Variants in SMOC2 observed in about 807,000 individuals in gnomAD.
The protein encoded by SMOC2 is SPARC related modular calcium binding 2.
Under a neutral mutation model 61.4 loss-of-function variants are expected in SMOC2, and 39 were observed. The ratio of observed to expected loss-of-function variants is 0.64; its 90% CI spans 0.49 to 0.83. The LOEUF is 0.83. SMOC2 is among the 40% of genes least tolerant of loss of function. SMOC2 has a pLI of 0.00. For synonymous variants in SMOC2, 247 were observed against 239.9 expected (o/e 1.03, Z -0.27); for missense variants, 556 against 592.9 (o/e 0.94, Z 0.65).
chr6:168,627,276 C>G (rs1786437754), intron 9 of SMOC2, among the ~76,000 whole-genome samples: 1 of 152,080 alleles, frequency 6.6e-6, no homozygotes, highest in Non-Finnish European at 1.5e-5. Flanking sequence ...TAAAAATTGC[C>G]CTTTGGAAAG....
At position 168,616,873 on chromosome 6, in the gene SMOC2, C is replaced by T. The variant is rs190190788; in HGVS notation, c.907+8634C>T. Among the ~76,000 whole-genome samples, 265 of 152,274 alleles carry T rather than the reference C, an allele frequency of 1.7e-3. 1 individual carries two copies. The highest frequency in any genetic ancestry group is 5.9e-3 in the African/African-American group (245 of 41,548). On this transcript the variant is annotated intron_variant, in intron 9 of 12. Coordinates refer to ENST00000356284, the MANE Select transcript of SMOC2 (RefSeq NM_001166412.2). Reference sequence around the variant, plus strand: ...AAGAACCGGTGTCTGTGGAGCATCCCGAGATGCCGCTGCACTGCGGGGGGG... The same window carrying T: ...AAGAACCGGTGTCTGTGGAGCATCCTGAGATGCCGCTGCACTGCGGGGGGG...
chr6:168,550,660 G>A (rs1784110086), intron 7 of SMOC2, among the ~76,000 whole-genome samples: 1 of 152,100 alleles, frequency 6.6e-6, no homozygotes, highest in African/African-American at 2.4e-5. Context: ...TTACCCTTCT[G>A]GGCGGAGATG....
Position 168,450,952 on chromosome 6 carries a change from T to A in SMOC2, c.84+9498T>A, listed in dbSNP as rs541933618. Among the ~76,000 whole-genome samples, 9 of 152,342 alleles carry A rather than the reference T, an allele frequency of 5.9e-5. No individual in the cohort carries two copies. The South Asian group carries it at 1.9e-3, about 32-fold the overall frequency. On this transcript the variant is annotated intron_variant, in intron 1 of 12. Coordinates refer to ENST00000356284, the MANE Select transcript of SMOC2 (RefSeq NM_001166412.2). ...CGTATTATTTTTATTCAAACTAGAT[T>A]TTCATCTTGATTCCATTATCCTAGG...
At chr6:168,441,484 C>T (rs773344089) in intron 1 of SMOC2, 30 bp downstream of exon 1, 18 of 1,477,488 alleles carry the variant, frequency 1.2e-5, no homozygotes, top group Non-Finnish European at 1.4e-5. Context: ...ACCTGGAGCT[C>T]AAGTGGTGCC....
chr6:168,634,011 T>C (rs1316766636), intron 9 of SMOC2, among the ~76,000 whole-genome samples: 2 of 152,358 alleles, frequency 1.3e-5, no homozygotes, highest in Non-Finnish European at 2.9e-5. Context: ...CCTGATGCCA[T>C]GTGAAGAAGG....
chr6:168,577,066 G>A (rs977542464), intron 7 of SMOC2, among the ~76,000 whole-genome samples: 8 of 152,260 alleles, frequency 5.3e-5, no homozygotes, highest in East Asian at 1.9e-4. Flanking sequence ...AACTATGCAC[G>A]TTTCAAAAAC....
intron 9 of SMOC2, among the ~76,000 whole-genome samples, chr6:168,646,188 C>T (rs561007310): frequency 6.6e-6 from 1 of 152,302 alleles, no homozygotes; most frequent in Admixed American, 6.5e-5. Flanking sequence ...ATGTTACTTG[C>T]GTGTGAAATC....
intron 1 of SMOC2, among the ~76,000 whole-genome samples, chr6:168,467,242 C>T (rs918468861): frequency 2.0e-5 from 3 of 151,524 alleles, no homozygotes; most frequent in African/African-American, 4.9e-5. Flanking sequence ...GGCGGCAAAA[C>T]AGCTCACTGT....
intron 5 of SMOC2, 144 bp downstream of exon 5, chr6:168,543,816 A>T (rs944238746): frequency 1.3e-6 from 1 of 760,732 alleles, no homozygotes; most frequent in Non-Finnish European, 2.2e-6. Flanking sequence ...TCATTCAGCA[A>T]TGCCATTCAC....
intron 7 of SMOC2, among the ~76,000 whole-genome samples, chr6:168,566,970 A>G (rs1207659209): frequency 2.0e-5 from 3 of 152,222 alleles, no homozygotes; most frequent in East Asian, 3.8e-4. Context: ...ATCCTTATTT[A>G]TGATTAAATC....
At chr6:168,541,571 A>T (rs1410252007) in intron 4 of SMOC2, among the ~76,000 whole-genome samples, 1 of 152,132 alleles carries the variant, frequency 6.6e-6, no homozygotes, top group Admixed American at 6.5e-5. Context: ...CCCATCCTGG[A>T]GGCCAGGATC....
intron 7 of SMOC2, among the ~76,000 whole-genome samples, chr6:168,563,890 G>A (rs1270032923): frequency 1.3e-5 from 2 of 152,196 alleles, no homozygotes; most frequent in East Asian, 3.9e-4. Flanking sequence ...GCAGAGCTCT[G>A]CGTCTCCGGC....
intron 4 of SMOC2, among the ~76,000 whole-genome samples, chr6:168,537,568 G>C (rs903884031): frequency 6.6e-6 from 1 of 152,234 alleles, no homozygotes; most frequent in Non-Finnish European, 1.5e-5. Flanking sequence ...CTAATACAGT[G>C]CTCTGCAGGA....
At chr6:168,626,934 G>A (rs1454904327) in intron 9 of SMOC2, among the ~76,000 whole-genome samples, 1 of 152,150 alleles carries the variant, frequency 6.6e-6, no homozygotes, top group Non-Finnish European at 1.5e-5. Flanking sequence ...GGACCTGCCG[G>A]GAGAGTCATT....
At chr6:168,489,741 A>G (rs1385739893) in intron 1 of SMOC2, among the ~76,000 whole-genome samples, 3 of 152,088 alleles carry the variant, frequency 2.0e-5, no homozygotes, top group Non-Finnish European at 4.4e-5. Context: ...TTAGAATGAA[A>G]TATATCAAAT....
chr6:168,501,712 G>A (rs1226817760), intron 1 of SMOC2, among the ~76,000 whole-genome samples: 1 of 152,234 alleles, frequency 6.6e-6, no homozygotes, highest in Non-Finnish European at 1.5e-5. Flanking sequence ...CACGGCCTCA[G>A]GGCTCCTGCT....
chr6:168,445,147 A>C (rs1781303793), intron 1 of SMOC2, among the ~76,000 whole-genome samples: 1 of 152,212 alleles, frequency 6.6e-6, no homozygotes, highest in South Asian at 2.1e-4. Flanking sequence ...AGCAGATCCG[A>C]ATATTTCTCA....
intron 12 of SMOC2, among the ~76,000 whole-genome samples, chr6:168,666,130 G>A (rs1054113739): frequency 3.3e-5 from 5 of 152,140 alleles, no homozygotes; most frequent in Admixed American, 6.5e-5. Flanking sequence ...AAGGTGATAA[G>A]ACATTCTGGA....
At chr6:168,588,326 A>G (rs9456222) in intron 7 of SMOC2, among the ~76,000 whole-genome samples, 31,729 of 151,124 alleles carry the variant, frequency 0.21, 3,663 homozygotes, top group South Asian at 0.28. Context: ...GTTTCACCAT[A>G]TTTGTCAGGC....
Sources: allele counts gnomAD v4.1 joint callset (sites outside exome capture counted in the v4.1 genomes callset), GRCh38; gene constraint gnomAD v4.1.1; transcripts MANE v1.5; gene names NCBI Gene and HGNC (gene_info 2026-07-23, HGNC 2026-07-21).